Variants in SVIL observed in about 807,000 individuals in gnomAD.
The protein encoded by SVIL is supervillin.
SVIL carries 101 observed loss-of-function variants against 240.4 expected under a neutral mutation model. The observed-to-expected ratio is 0.42, with a 90% CI of 0.36 to 0.50. SVIL has a LOEUF of 0.50. Ranked by LOEUF, SVIL falls within the 20% of genes least tolerant of loss-of-function variation. SVIL has a pLI of 0.01. For missense variants in SVIL, 2,512 were observed against 2,818.7 expected, an observed-to-expected ratio of 0.89 and a Z score of 2.46; for synonymous variants, 999 against 1,100.0, an observed-to-expected ratio of 0.91 and a Z score of 1.82.
chr10:29,704,183 C>G (rs1962728803), intron 1 of SVIL, among the ~76,000 whole-genome samples: 1 of 152,112 alleles, frequency 6.6e-6, no homozygotes, highest in Admixed American at 6.5e-5. Context: ...CCTCAGCCTA[C>G]CATGCTCAAA....
At chr10:29,612,373 C>G (rs1458403836) in intron 1 of SVIL, among the ~76,000 whole-genome samples, 2 of 152,158 alleles carry the variant, frequency 1.3e-5, no homozygotes, top group Non-Finnish European at 2.9e-5. Context: ...TGACATCAGG[C>G]AGTGAAATGA....
chr10:29,682,550 A>G (rs536404388), intron 2 of SVIL, among the ~76,000 whole-genome samples: 1 of 152,236 alleles, frequency 6.6e-6, no homozygotes, highest in East Asian at 1.9e-4. Flanking sequence ...CAATTAATAA[A>G]AGGAACCAAA....
chr10:29,640,126 T>C (rs773343089), intron 3 of SVIL, among the ~76,000 whole-genome samples: 9 of 152,280 alleles, frequency 5.9e-5, no homozygotes, highest in Non-Finnish European at 1.2e-4. Flanking sequence ...ACCCTGAATG[T>C]TCCAGAACCA....
chr10:29,682,996 T>C (rs1960782696), intron 2 of SVIL, among the ~76,000 whole-genome samples: 1 of 152,174 alleles, frequency 6.6e-6, no homozygotes, highest in Non-Finnish European at 1.5e-5. Context: ...GAGCCAAATA[T>C]GAGTGGCCAA....
intron 1 of SVIL, among the ~76,000 whole-genome samples, chr10:29,729,564 G>A (rs990280667): frequency 1.3e-5 from 2 of 150,758 alleles, no homozygotes; most frequent in African/African-American, 2.5e-5. Flanking sequence ...GGCCGGGTGC[G>A]GTGGCTCACA....
intron 1 of SVIL, among the ~76,000 whole-genome samples, chr10:29,610,350 C>T (rs1360579384): frequency 6.6e-6 from 1 of 152,088 alleles, no homozygotes; most frequent in East Asian, 1.9e-4. Flanking sequence ...GCATCTGTTC[C>T]TTCCAGACTC....
intron 17 of SVIL, chr10:29,507,985 T>C (rs2479062): frequency 0.056 from 10,758 of 192,698 alleles, 420 homozygotes; most frequent in Middle Eastern, 0.11. Flanking sequence ...TGAATGCTAA[T>C]GCTAAAGTAA....
chr10:29,624,107 C>T (rs1304308842), intron 1 of SVIL, among the ~76,000 whole-genome samples: 5 of 148,188 alleles, frequency 3.4e-5, no homozygotes, highest in African/African-American at 1.0e-4. Context: ...TTGGGAGTCA[C>T]AGCCCCTTTA....
chr10:29,570,375 T>C (rs1201473449), intron 1 of SVIL, among the ~76,000 whole-genome samples: 3 of 152,234 alleles, frequency 2.0e-5, no homozygotes, highest in Non-Finnish European at 2.9e-5. Context: ...ATAGTGCATT[T>C]GAGCTGGAAA....
chr10:29,660,892 G>T (rs1959138333), intron 2 of SVIL, among the ~76,000 whole-genome samples: 1 of 151,178 alleles, frequency 6.6e-6, no homozygotes, highest in Non-Finnish European at 1.5e-5. Context: ...GCCTGGGCCG[G>T]GTGTGGTGCC....
intron 25 of SVIL, 32 bp from the exon 26 acceptor site, chr10:29,486,262 A>T: frequency 6.2e-7 from 1 of 1,610,364 alleles, no homozygotes; most frequent in South Asian, 1.1e-5. Flanking sequence ...AGAGCATCAC[A>T]TTTTACATTG....
chr10:29,579,419 C>T (rs12771198), intron 1 of SVIL, among the ~76,000 whole-genome samples: 11,076 of 151,866 alleles, frequency 0.073, 455 homozygotes, highest in Admixed American at 0.12. Context: ...GCCTGGGTGA[C>T]AGAGCAAGAC....
chr10:29,509,358 A>AAAGAGAG (rs1554828026), intron 17 of SVIL, among the ~76,000 whole-genome samples: 2 of 128,764 alleles, frequency 1.6e-5, no homozygotes, highest in Non-Finnish European at 1.7e-5. Context: ...AGAGAGAGAG[A>AAAGAGAG]GAGAGAGAGA....
chr10:29,584,120 T>A (rs1363897383), intron 1 of SVIL, among the ~76,000 whole-genome samples: 2 of 152,208 alleles, frequency 1.3e-5, no homozygotes, highest in East Asian at 3.9e-4. Context: ...GTGGAGGAGA[T>A]GATGGCAATA....
At position 29,691,062 on chromosome 10, in the gene SVIL, A is replaced by G. The variant is rs181958501; in HGVS notation, c.-399-4411T>C. ...TGGAACATTTTCTTCTGGAAGAGTA[A>G]AAAGACTAAAAGAATATTTTTCCCA... On this transcript the variant is annotated intron_variant, in intron 1 of 35. Coordinates refer to the SVIL transcript ENST00000375400. Among the ~76,000 whole-genome samples the G allele has an allele frequency of 4.6e-3, 695 of 152,322 alleles. 4 individuals are homozygous for G. Among genetic ancestry groups the G allele is most frequent in the African/African-American group, 0.015 (644 of 41,558 alleles).
chr10:29,591,257 C>T (rs1231917360), intron 1 of SVIL, among the ~76,000 whole-genome samples: 1 of 152,214 alleles, frequency 6.6e-6, no homozygotes, highest in Non-Finnish European at 1.5e-5. Context: ...TTTCTCTCTT[C>T]AGCTCCTTGG....
rs182238349 is a variant in SVIL at position 29,565,506 on chromosome 10, C to T, written c.-142-2214G>A. Among the ~76,000 whole-genome samples, 13 of 152,304 alleles carry T rather than the reference C, an allele frequency of 8.5e-5. No homozygotes were observed. In the East Asian group the frequency reaches 2.5e-3, roughly 29 times the overall value. ...CCCTGAGCTCTCTCCTCTCCAGCCT[C>T]CTGCCATCGTGTGGCTTCATTTCGC... On this transcript the variant is annotated intron_variant, in intron 2 of 37. Transcript: ENST00000355867.
intron 16 of SVIL, among the ~76,000 whole-genome samples, chr10:29,513,726 T>C (rs1242869138): frequency 1.1e-4 from 16 of 152,216 alleles, no homozygotes. Context: ...CTATTTTCTA[T>C]AAACCCATTT....
Position 29,512,716 on chromosome 10 carries a change from C to T in SVIL, c.3516+19G>A. The T allele has an allele frequency of 1.9e-6, 3 of 1,614,128 alleles. No individual in the cohort carries two copies. The highest frequency in any genetic ancestry group is 2.5e-6 in the Non-Finnish European group (3 of 1,180,038). ...AGTGATGTTAGTCGGAAGGCTTTTC[C>T]TAACATGGGGAATGTTACCTTCTTG... On this transcript the variant is annotated intron_variant, in intron 17 of 37. Coordinates refer to ENST00000355867, the MANE Select transcript of SVIL (RefSeq NM_021738.3).
Sources: gnomAD v4.1 joint callset for allele counts (sites outside exome capture counted in the v4.1 genomes callset) on GRCh38, gnomAD v4.1.1 for gene constraint, MANE v1.5 for transcripts, NCBI Gene and HGNC (gene_info 2026-07-23, HGNC 2026-07-21) for gene names.